The following NUP43 variants were observed in gnomAD, a reference collection of about 807,000 sequenced individuals.
The protein encoded by NUP43 is nucleoporin Nup43.
NUP43 carries 32 observed loss-of-function variants against 47.3 expected under a neutral mutation model. That is an observed-to-expected ratio of 0.68 (90% confidence interval 0.51 to 0.91). The LOEUF (loss-of-function observed/expected upper bound fraction) is 0.91. Ranked by LOEUF, NUP43 falls within the 40% of genes least tolerant of loss-of-function variation. The probability of loss-of-function intolerance (pLI) is 0.00; values close to 1 mark genes in which losing one functional copy is unlikely to be tolerated. For missense variants in NUP43, 444 were observed against 453.9 expected (o/e 0.98, Z 0.20); for synonymous variants, 147 against 158.4 (o/e 0.93, Z 0.54).
chr6:149,746,267 T>C (rs933676997), intron 1 of NUP43, 109 bp downstream of exon 1: 10 of 1,510,178 alleles, frequency 6.6e-6, no homozygotes, highest in South Asian at 2.5e-5. Flanking sequence ...CCGGGGGACC[T>C]AAAAGTGCGA....
At chr6:149,742,267 C>T in intron 4 of NUP43, 123 bp downstream of exon 4, 2 of 782,152 alleles carry the variant, frequency 2.6e-6, no homozygotes. Flanking sequence ...CTCAGGTGAT[C>T]CACCTGCCTC....
At chr6:149,741,666 C>T in intron 4 of NUP43, among the ~76,000 whole-genome samples, 1 of 150,726 alleles carries the variant, frequency 6.6e-6, no homozygotes, top group Non-Finnish European at 1.5e-5. Flanking sequence ...CCACCTCACC[C>T]AGCTTATTTT....
chr6:149,731,539 G>A (rs866116000), intron 7 of NUP43, 74 bp downstream of exon 7: 2 of 1,364,554 alleles, frequency 1.5e-6, no homozygotes, highest in South Asian at 2.7e-5. Flanking sequence ...TTCCAGCCTG[G>A]GTGATAGAGT....
intron 6 of NUP43, among the ~76,000 whole-genome samples, chr6:149,734,893 A>G (rs1215783666): frequency 1.3e-5 from 2 of 151,810 alleles, no homozygotes; most frequent in African/African-American, 2.4e-5. Flanking sequence ...CATCTCCACC[A>G]GAATCAAAAG....
In NUP43 at chr6:149,727,210, AAAGAAAAGG is replaced by A; in HGVS notation, c.914-21_914-13del. ...ACTGCTTCTTCCTCCTGGGAGAAAA[AAAGAAAAGG>A]AAGAAATCTTTCAAGATGATTTTTA... On this transcript the variant is annotated splice_polypyrimidine_tract_variant and intron_variant, in intron 7 of 7. Coordinates refer to ENST00000340413, the MANE Select transcript of NUP43 (RefSeq NM_198887.3). 6.2e-7 allele frequency: 1 copy of A among 1,607,670 alleles called. No individual in the cohort carries two copies. Among genetic ancestry groups the A allele is most frequent in the Non-Finnish European group, 8.5e-7 (1 of 1,176,618 alleles).
intron 5 of NUP43, among the ~76,000 whole-genome samples, chr6:149,738,358 G>A (rs990072846): frequency 6.6e-6 from 1 of 152,112 alleles, no homozygotes. Flanking sequence ...TACATCTGGA[G>A]TATATTTTAT....
upstream of NUP43, among the ~76,000 whole-genome samples, chr6:149,748,239 G>T (rs1200086721): frequency 6.6e-6 from 1 of 152,038 alleles, no homozygotes; most frequent in Non-Finnish European, 1.5e-5. Context: ...CTTGAACCGG[G>T]ACCTGGGAGG....
At chr6:149,727,932 C>A in intron 7 of NUP43, 1 of 984,280 alleles carries the variant, frequency 1.0e-6, no homozygotes, top group Non-Finnish European at 1.2e-6. Flanking sequence ...TGACTGAGTA[C>A]CTACTATGTG....
intron 7 of NUP43, chr6:149,727,950 C>G (rs758228024): frequency 1.0e-5 from 10 of 985,106 alleles, no homozygotes; most frequent in Non-Finnish European, 1.1e-5. Flanking sequence ...GTGCCAGGCT[C>G]TGTGCTAAGT....
chr6:149,745,891 T>C, intron 2 of NUP43, 49 bp downstream of exon 2: 1 of 1,533,714 alleles, frequency 6.5e-7, no homozygotes, highest in Non-Finnish European at 8.8e-7. Context: ...TGTTTAAATG[T>C]ATTACTCAGG....
At position 149,743,554 on chromosome 6, in the gene NUP43, C is replaced by T. The variant is rs967224459; in HGVS notation, c.321+84G>A. The T allele has an allele frequency of 6.2e-5, 49 of 795,198 alleles. No individual in the cohort carries two copies. The African/African-American group carries it at 7.5e-4, about 12-fold the overall frequency. 49.3% of individuals were successfully genotyped at this position (795,198 alleles called of 1,614,324 possible). A position where few individuals can be genotyped will look rare whatever the true frequency, so the allele number is the denominator to read the frequency against. On this transcript the variant is annotated intron_variant, in intron 3 of 7. Coordinates refer to ENST00000340413, the MANE Select transcript of NUP43 (RefSeq NM_198887.3). ...AGGCTGCGGTGAGCCGAGACTGCGC[C>T]ACTGCACTCCAGTGCGCGGGCAACA...
chr6:149,726,983 G>A lies in NUP43; in HGVS notation c.1129C>T (p.His377Tyr). 6.2e-7 allele frequency: 1 copy of A among 1,612,416 alleles called. No individual in the cohort carries two copies. Among genetic ancestry groups the A allele is most frequent in the Non-Finnish European group, 8.5e-7 (1 of 1,178,512 alleles). ...TDAEAIYVTR[H>Y]LFS is the part of the protein sequence containing the mutation. ...TTATAGTACTTCTACGAAAAAAGATGTCTAGTAACATAAATTGCTTCTGCA... is the reference window on the plus strand; with the variant it reads ...TTATAGTACTTCTACGAAAAAAGATATCTAGTAACATAAATTGCTTCTGCA... Residue 377 changes from histidine to tyrosine, a missense_variant, in exon 8 of 8, where the codon CAT becomes TAT. Physicochemically the swap from His to Tyr is moderately conservative, Grantham distance 83. Coordinates refer to ENST00000340413, the MANE Select transcript of NUP43 (RefSeq NM_198887.3).
At chr6:149,742,928 C>A (rs1180913883) in intron 3 of NUP43, among the ~76,000 whole-genome samples, 3 of 152,286 alleles carry the variant, frequency 2.0e-5, no homozygotes, top group Non-Finnish European at 4.4e-5. Context: ...GTAATCCTAG[C>A]ACTTTGGGAG....
intron 5 of NUP43, 130 bp from the exon 6 acceptor site, chr6:149,736,752 A>G: frequency 1.4e-6 from 1 of 712,150 alleles, no homozygotes; most frequent in Non-Finnish European, 2.3e-6. Flanking sequence ...GCAGCGCTGC[A>G]ATCATTGCTT....
chr6:149,731,630 G>A lies in NUP43; in HGVS notation c.896C>T (p.Ser299Leu), dbSNP rs776621386. Residue 299 changes from serine (S) to leucine (L), a missense_variant, in exon 7 of 8, where the codon TCG becomes TTG. Coordinates refer to ENST00000340413, the MANE Select transcript of NUP43 (RefSeq NM_198887.3). ...AGTTTTACCTTGGTGAAAGAGTGAC[G>A]ACTTTTCAGGTACATCTGTGGAAGC... The part of the protein sequence containing the change: ...WDASTDVPEK[S>L]SLFHQGGRSS... 5.6e-6 allele frequency: 9 copies of A among 1,612,190 alleles called. No homozygotes were observed. In the African/African-American group the frequency reaches 8.0e-5, roughly 14 times the overall value.
chr6:149,745,901 G>T, intron 2 of NUP43, 39 bp downstream of exon 2: 1 of 1,572,646 alleles, frequency 6.4e-7, no homozygotes, highest in East Asian at 2.3e-5. Flanking sequence ...TATTACTCAG[G>T]ACTTTCAAAG....
rs985525296 is a variant in NUP43, at chr6:149,726,112, T to C, written c.*857A>G. On this transcript the variant is annotated 3_prime_UTR_variant, in exon 8 of 8. Coordinates refer to ENST00000340413, the MANE Select transcript of NUP43 (RefSeq NM_198887.3). ...AGGAACTTGTCAAAACATTTTCACC[T>C]TAAAAAAATTTCAGGCCGGGTGCAG... 1.3e-5 allele frequency: 2 copies of C among 152,100 alleles called. No individual in the cohort carries two copies. Among genetic ancestry groups the C allele is most frequent in the African/African-American group, 4.8e-5 (2 of 41,426 alleles). The allele number at this position is 152,100 out of a possible 1,614,324, so 9.4% of individuals were successfully genotyped here.
chr6:149,748,546 A>C (rs1786145260), upstream of NUP43, among the ~76,000 whole-genome samples: 5 of 152,240 alleles, frequency 3.3e-5, no homozygotes, highest in South Asian at 8.3e-4. Flanking sequence ...GCTGTGGCTC[A>C]TGCCTGTAAT....
chr6:149,732,471 C>T (rs777667039), intron 6 of NUP43, among the ~76,000 whole-genome samples: 4 of 151,180 alleles, frequency 2.6e-5, no homozygotes, highest in African/African-American at 7.3e-5. Context: ...CGCTTGAACC[C>T]GGGAGGCAGA....
Sources: allele counts gnomAD v4.1 joint callset (sites outside exome capture counted in the v4.1 genomes callset), GRCh38; gene constraint gnomAD v4.1.1; transcripts MANE v1.5; gene names NCBI Gene and HGNC (gene_info 2026-07-23, HGNC 2026-07-21).